CSMD1: variants seen among roughly 807,000 people sequenced by gnomAD.
CSMD1 encodes the protein CUB and Sushi multiple domains 1.
CSMD1 carries 213 observed loss-of-function variants against 417.5 expected under a neutral mutation model. That is an observed-to-expected ratio of 0.51 (90% CI 0.46 to 0.57). CSMD1 has a LOEUF of 0.57. CSMD1 is among the 20% of genes least tolerant of loss of function. The probability of loss-of-function intolerance (pLI) is 0.00; values close to 1 mark genes in which losing one functional copy is unlikely to be tolerated. For missense variants in CSMD1, 6,923 were observed against 4,529.7 expected, an observed-to-expected ratio of 1.53 and a Z score of -15.17; for synonymous variants, 2,862 against 1,736.8, an observed-to-expected ratio of 1.65 and a Z score of -16.11.
Position 4,376,126 on chromosome 8 carries a change from G to A in CSMD1, c.415+43827C>T, listed in dbSNP as rs139527017. On this transcript the variant is annotated intron_variant, in intron 3 of 69. Coordinates refer to ENST00000635120, the MANE Select transcript of CSMD1 (RefSeq NM_033225.6). Reference sequence around the variant, plus strand: ...AGGACTCAGCTTATCAAAAGATATGGAAATGCACTGCAAACTTTATGCTCT... The same window carrying A: ...AGGACTCAGCTTATCAAAAGATATGAAAATGCACTGCAAACTTTATGCTCT... Among the ~76,000 whole-genome samples the A allele has an allele frequency of 2.1e-3, 314 of 152,288 alleles. 3 individuals are homozygous for A. Among genetic ancestry groups the A allele is most frequent in the African/African-American group, 7.1e-3 (297 of 41,560 alleles).
chr8:4,757,874 G>T (rs1005060145), intron 1 of CSMD1, among the ~76,000 whole-genome samples: 2 of 149,320 alleles, frequency 1.3e-5, no homozygotes, highest in Admixed American at 6.8e-5. Context: ...CAGAAGAATC[G>T]CTTGAACCTG....
At chr8:4,939,915 A>G (rs1295618833) in intron 1 of CSMD1, among the ~76,000 whole-genome samples, 1 of 152,230 alleles carries the variant, frequency 6.6e-6, no homozygotes, top group Admixed American at 6.5e-5. Flanking sequence ...ATAAATATAT[A>G]TACAATTTTG....
intron 1 of CSMD1, among the ~76,000 whole-genome samples, chr8:4,746,026 T>G (rs1810926489): frequency 6.6e-6 from 1 of 152,216 alleles, no homozygotes; most frequent in Admixed American, 6.5e-5. Flanking sequence ...AACTGTAAAA[T>G]ATTATGAAAT....
chr8:4,533,680 A>C (rs2130474317), intron 2 of CSMD1, among the ~76,000 whole-genome samples: 1 of 152,270 alleles, frequency 6.6e-6, no homozygotes, highest in Admixed American at 6.5e-5. Flanking sequence ...GATTTTTAAA[A>C]ACATCATCAA....
At chr8:4,313,926 G>C (rs1585213149) in intron 3 of CSMD1, among the ~76,000 whole-genome samples, 2 of 151,864 alleles carry the variant, frequency 1.3e-5, no homozygotes, top group Non-Finnish European at 2.9e-5. Flanking sequence ...AGTCAGGAGA[G>C]TCACTTGAAC....
intron 1 of CSMD1, among the ~76,000 whole-genome samples, chr8:4,688,699 C>A (rs534752555): frequency 1.6e-4 from 24 of 152,094 alleles, no homozygotes; most frequent in Admixed American, 5.2e-4. Flanking sequence ...ATATGAGATT[C>A]GTGTAGCACT....
At chr8:4,857,466 A>T (rs1364433350) in intron 1 of CSMD1, among the ~76,000 whole-genome samples, 2 of 152,236 alleles carry the variant, frequency 1.3e-5, no homozygotes, top group Non-Finnish European at 2.9e-5. Flanking sequence ...CAAAAAATTA[A>T]TGAATCCAGG....
chr8:4,588,579 G>A (rs183445226), intron 2 of CSMD1, among the ~76,000 whole-genome samples: 145 of 152,016 alleles, frequency 9.5e-4, no homozygotes, highest in African/African-American at 3.4e-3. Flanking sequence ...CGGATCAGCA[G>A]ATCGAGACCA....
intron 1 of CSMD1, among the ~76,000 whole-genome samples, chr8:4,765,111 C>G (rs995691083): frequency 1.3e-5 from 2 of 152,048 alleles, no homozygotes; most frequent in Non-Finnish European, 2.9e-5. Flanking sequence ...TCACTGGGTT[C>G]AAATCTTGGG....
At chr8:3,471,025 T>G (rs62473734) in intron 11 of CSMD1, among the ~76,000 whole-genome samples, 4 of 152,036 alleles carry the variant, frequency 2.6e-5, no homozygotes, top group African/African-American at 4.8e-5. Flanking sequence ...TTCATTTACC[T>G]GAGATAAAAG....
At chr8:3,660,002 C>T (rs917437073) in intron 7 of CSMD1, among the ~76,000 whole-genome samples, 14 of 152,198 alleles carry the variant, frequency 9.2e-5, no homozygotes, top group African/African-American at 3.4e-4. Context: ...TCGTTCTGAA[C>T]AATACGTATC....
At chr8:4,755,504 T>C (rs185234853) in intron 1 of CSMD1, among the ~76,000 whole-genome samples, 195 of 152,312 alleles carry the variant, frequency 1.3e-3, no homozygotes, top group African/African-American at 4.6e-3. Context: ...AACGTTAAAA[T>C]TGATGTTTCC....
At chr8:3,220,762 C>T (rs113662229) in intron 28 of CSMD1, among the ~76,000 whole-genome samples, 7 of 152,224 alleles carry the variant, frequency 4.6e-5, no homozygotes, top group Middle Eastern at 3.4e-3. Context: ...ACCCGGGAAG[C>T]GGAGGTTGCA....
intron 37 of CSMD1, among the ~76,000 whole-genome samples, chr8:3,170,068 T>A (rs1820480739): frequency 6.6e-6 from 1 of 152,282 alleles, no homozygotes; most frequent in Non-Finnish European, 1.5e-5. Context: ...GCATAAAAGC[T>A]TCTACTCTCC....
intron 2 of CSMD1, among the ~76,000 whole-genome samples, chr8:4,422,328 C>A (rs569314452): frequency 2.6e-4 from 40 of 152,168 alleles, no homozygotes; most frequent in African/African-American, 8.2e-4. Context: ...CTGAATTATG[C>A]TCCTCCCACC....
At chr8:3,763,363 A>G (rs1397945048) in intron 5 of CSMD1, among the ~76,000 whole-genome samples, 1 of 152,128 alleles carries the variant, frequency 6.6e-6, no homozygotes, top group African/African-American at 2.4e-5. Flanking sequence ...AACCCTCATG[A>G]ATGAATGGCT....
intron 3 of CSMD1, among the ~76,000 whole-genome samples, chr8:4,124,481 G>A (rs938277456): frequency 1.3e-5 from 2 of 152,108 alleles, no homozygotes; most frequent in African/African-American, 4.8e-5. Context: ...TTCTCTCCAC[G>A]GGGTGAAATC....
intron 3 of CSMD1, among the ~76,000 whole-genome samples, chr8:4,309,676 T>C (rs1354464881): frequency 6.6e-6 from 1 of 152,112 alleles, no homozygotes; most frequent in Admixed American, 6.6e-5. Context: ...CATATCACCT[T>C]ACACATTTTT....
At chr8:3,337,153 C>G (rs1195800452) in intron 23 of CSMD1, among the ~76,000 whole-genome samples, 3 of 152,100 alleles carry the variant, frequency 2.0e-5, no homozygotes, top group African/African-American at 7.2e-5. Flanking sequence ...GGGTTCAGTA[C>G]ATGACTCTGC....
Sources: allele counts gnomAD v4.1 joint callset (sites outside exome capture counted in the v4.1 genomes callset), GRCh38; gene constraint gnomAD v4.1.1; transcripts MANE v1.5; gene names NCBI Gene and HGNC (gene_info 2026-07-23, HGNC 2026-07-21).